Variants in MIA3 observed in about 807,000 individuals in gnomAD.
The protein encoded by MIA3 is transport and Golgi organization protein 1 homolog.
A neutral mutation model predicts 192.4 loss-of-function variants in MIA3; 90 were observed. That is an observed-to-expected ratio of 0.47 (90% CI 0.39 to 0.56). The LOEUF is 0.56. MIA3 is among the 20% of genes least tolerant of loss of function. The pLI, the probability that MIA3 is intolerant of heterozygous loss-of-function variation, is 0.00. For missense variants in MIA3, 2,123 were observed against 2,269.4 expected, an observed-to-expected ratio of 0.94 and a Z score of 1.31; for synonymous variants, 740 against 792.8, an observed-to-expected ratio of 0.93 and a Z score of 1.12.
chr1:222,648,230 TG>T (rs1376826361), intron 7 of MIA3, among the ~76,000 whole-genome samples: 2 of 152,196 alleles, frequency 1.3e-5, no homozygotes, highest in African/African-American at 4.8e-5. Context: ...GTCAGGTTTA[TG>T]AGCACTGTTT....
At chr1:222,641,660 T>C in intron 6 of MIA3, 1 of 539,144 alleles carries the variant, frequency 1.9e-6, no homozygotes, top group Non-Finnish European at 3.7e-6. Context: ...GGGACATATA[T>C]TAAACTCGTC....
chr1:222,618,124 C>T lies in MIA3; in HGVS notation c.14C>T (p.Pro5Leu), dbSNP rs560508185. Residue 5 changes from proline to leucine, a missense_variant, in exon 1 of 28, where the codon CCT (proline) becomes CTT (leucine). Transcript: ENST00000344922. The part of the protein sequence containing the change: MAAA[P>L]GLLVWLLVLR... ...GGTGACCACAACATGGCTGCGGCGC[C>T]TGGGCTGCTCGTCTGGCTGCTCGTG... The T allele has an allele frequency of 1.9e-5, 28 of 1,500,110 alleles. No individual in the cohort carries two copies. The South Asian group carries it at 3.0e-4, about 16-fold the overall frequency. 92.9% of individuals were successfully genotyped at this position (1,500,110 alleles called of 1,614,324 possible). A position where few individuals can be genotyped will look rare whatever the true frequency, so the allele number is the denominator to read the frequency against.
Position 222,654,248 on chromosome 1 carries a change from C to G in MIA3, c.4327C>G (p.Arg1443Gly), listed in dbSNP as rs749287544. ...ELANGEVGGDRNEKMKNQIKQ... is the reference protein window; with the variant it reads ...ELANGEVGGDGNEKMKNQIKQ... ...GAAAGCCTTTTGTTTTTTAGGTGAC[C>G]GGAATGAGAAGATGAAAAATCAAAT... Residue 1443 changes from arginine to glycine, a missense_variant, in exon 16 of 28, where the codon CGG (arginine) becomes GGG (glycine). Physicochemically the swap from Arg to Gly is moderately radical, Grantham distance 125. This residue lies in a region of MIA3 where 762 missense variants were observed against 856.4 expected (regional missense o/e 0.89). Transcript: ENST00000344922. The G allele has an allele frequency of 1.2e-6, 2 of 1,612,978 alleles. No homozygotes were observed. Among genetic ancestry groups the G allele is most frequent in the Non-Finnish European group, 8.5e-7 (1 of 1,179,610 alleles).
At position 222,659,942 on chromosome 1, in the gene MIA3, A is replaced by G. The variant is rs764064577; in HGVS notation, c.4911A>G (p.Gln1637=). 24 of 1,613,802 alleles carry G rather than the reference A, an allele frequency of 1.5e-5. 1 individual carries two copies. The East Asian group carries it at 5.1e-4, about 34-fold the overall frequency. The change falls in exon 23 of 28, where the codon CAA becomes CAG. Residue 1637 remains glutamine (Q), a synonymous_variant. Transcript: ENST00000344922. The part of the protein sequence containing the change: ...LELTQKMAML[Q]EEPVIVKPMP... Reference sequence around the variant, plus strand: ...TAACACAAAAGATGGCAATGCTGCAAGAAGAACCTGTGATTGTAAAACCAA... The same window carrying G: ...TAACACAAAAGATGGCAATGCTGCAGGAAGAACCTGTGATTGTAAAACCAA...
Position 222,665,521 on chromosome 1 carries a change from G to A in MIA3, c.5626G>A (p.Val1876Ile), listed in dbSNP as rs1472285095. The change falls in exon 28 of 28, where the codon GTA (valine) becomes ATA (isoleucine). Residue 1876 changes from valine (V) to isoleucine (I), a missense_variant. Val to Ile is a conservative substitution (Grantham distance 29, BLOSUM62 3). Around this residue, in one of 3 missense-constraint regions of MIA3, gnomAD observed 762 missense variants for 856.4 expected, o/e 0.89. Coordinates refer to ENST00000344922, the MANE Select transcript of MIA3 (RefSeq NM_198551.4). ...CCAGGAATACCCACCACCACCTGCT[G>A]TAAGAGACTTACTGCCGTCAGGCTC... ...GPQEYPPPPA[V>I]RDLLPSGSRD... 4 of 1,614,060 alleles carry A rather than the reference G, an allele frequency of 2.5e-6. No homozygotes were observed. The highest frequency in any genetic ancestry group is 2.5e-6 in the Non-Finnish European group (3 of 1,179,982).
Position 222,654,682 on chromosome 1 carries a change from G to A in MIA3, c.4496G>A (p.Arg1499His), listed in dbSNP as rs759742082. 14 of 1,613,860 alleles carry A rather than the reference G, an allele frequency of 8.7e-6. No homozygotes were observed. Among genetic ancestry groups the A allele is most frequent in the East Asian group, 2.2e-5 (1 of 44,886 alleles). ...CAGGTAAAGAAATTGGAAGATGACC[G>A]CAACTCACTACAAGCTGCCAAAGCT... ...EDQVKKLEDD[R>H]NSLQAAKAGL... The change falls in exon 18 of 28, where the codon CGC becomes CAC. Residue 1499 changes from arginine to histidine, a missense_variant. Arg to His is a conservative substitution (Grantham distance 29). Transcript: ENST00000344922.
chr1:222,628,641 C>T lies in MIA3; in HGVS notation c.1421C>T (p.Ser474Phe). 6.2e-7 allele frequency: 1 copy of T among 1,613,812 alleles called. No individual in the cohort carries two copies. The highest frequency in any genetic ancestry group is 8.5e-7 in the Non-Finnish European group (1 of 1,179,962). Residue 474 changes from serine to phenylalanine, a missense_variant, in exon 4 of 28, where the codon TCC becomes TTC. Around this residue, in one of 3 missense-constraint regions of MIA3, gnomAD observed 1,357 missense variants for 1,396.1 expected, o/e 0.97. Coordinates refer to ENST00000344922, the MANE Select transcript of MIA3 (RefSeq NM_198551.4). ...GGAAAAGGGAGGGGAGTTCAGGAAT[C>T]CAAGAGGGGCCTGGTACAAGATAAG... The part of the protein sequence containing the change: ...IKGKGRGVQE[S>F]KRGLVQDKTE...
intron 18 of MIA3, among the ~76,000 whole-genome samples, chr1:222,656,005 T>C (rs1571903603): frequency 7.4e-6 from 1 of 134,940 alleles, no homozygotes; most frequent in Admixed American, 8.4e-5. Context: ...AGTCTCACTC[T>C]GCCGCCCAGG....
chr1:222,641,391 G>A, intron 6 of MIA3: 2 of 432,230 alleles, frequency 4.6e-6, no homozygotes, highest in Non-Finnish European at 4.5e-6. Flanking sequence ...GTATCCCTCT[G>A]CCCCATTTCT....
chr1:222,663,944 CTTTTGTCTGTCATACCATAGTA>C, intron 26 of MIA3, 32 bp from the exon 27 acceptor site: 3 of 1,516,550 alleles, frequency 2.0e-6, no homozygotes, highest in Non-Finnish European at 2.7e-6. Context: ...GGTGTTGGTG[CTTTTGTCTGTCATACCATAGTA>C]TTTCAAAACT....
chr1:222,629,661 G>T lies in MIA3; in HGVS notation c.2441G>T (p.Arg814Leu). ...REPNTMVEKE[R>L]PLADKKAQRP... ...CCAAATACAATGGTGGAAAAAGAAC[G>T]CCCTCTGGCAGATAAGAAAGCACAG... The change falls in exon 4 of 28, where the codon CGC becomes CTC. Residue 814 changes from arginine (R) to leucine (L), a missense_variant. This residue lies in a region of MIA3 where 1,357 missense variants were observed against 1,396.1 expected (regional missense o/e 0.97). Coordinates refer to ENST00000344922, the MANE Select transcript of MIA3 (RefSeq NM_198551.4). 6.2e-7 allele frequency: 1 copy of T among 1,614,054 alleles called. No homozygotes were observed. Among genetic ancestry groups the T allele is most frequent in the South Asian group, 1.1e-5 (1 of 91,076 alleles).
intron 1 of MIA3, among the ~76,000 whole-genome samples, chr1:222,619,348 A>G (rs1190957550): frequency 6.6e-6 from 1 of 152,220 alleles, no homozygotes; most frequent in Non-Finnish European, 1.5e-5. Context: ...AGCAATGCCT[A>G]TAGAAACGTA....
At position 222,662,046 on chromosome 1, in the gene MIA3, C is replaced by T; in HGVS notation, c.5114-10C>T. 2 of 1,611,084 alleles carry T rather than the reference C, an allele frequency of 1.2e-6. No individual in the cohort carries two copies. Among genetic ancestry groups the T allele is most frequent in the Non-Finnish European group, 8.5e-7 (1 of 1,177,782 alleles). Reference sequence around the variant, plus strand: ...AATACATATAAGGACTCTGTTATTTCTTTCTCAAGGATCAGTGGACGGGCC... The same window carrying T: ...AATACATATAAGGACTCTGTTATTTTTTTCTCAAGGATCAGTGGACGGGCC... On this transcript the variant is annotated splice_polypyrimidine_tract_variant and intron_variant, in intron 24 of 27. Transcript: ENST00000344922.
intron 15 of MIA3, among the ~76,000 whole-genome samples, chr1:222,653,806 A>T (rs1663565180): frequency 6.6e-6 from 1 of 152,192 alleles, no homozygotes. Flanking sequence ...GGATCCATAA[A>T]CTAAGGCCAT....
At chr1:222,662,590 CT>C in intron 26 of MIA3, 1 of 848,280 alleles carries the variant, frequency 1.2e-6, no homozygotes, top group Non-Finnish European at 1.6e-6. Flanking sequence ...ATTGATCTTA[CT>C]TTTATCCTTG....
chr1:222,663,234 C>A (rs982633358), intron 26 of MIA3, among the ~76,000 whole-genome samples: 3 of 152,128 alleles, frequency 2.0e-5, no homozygotes, highest in Admixed American at 6.6e-5. Context: ...GAAAATACTT[C>A]CAAGTTCCAG....
At chr1:222,618,295 C>G (rs1174468993) in intron 1 of MIA3, 52 bp downstream of exon 1, 2 of 1,317,700 alleles carry the variant, frequency 1.5e-6, no homozygotes, top group Non-Finnish European at 2.0e-6. Context: ...CTTGGGGTCT[C>G]CGCCGGCCCC....
chr1:222,624,610 T>C (rs984527586), intron 2 of MIA3, among the ~76,000 whole-genome samples, 158 bp from the exon 3 acceptor site: 2 of 152,204 alleles, frequency 1.3e-5, no homozygotes, highest in African/African-American at 4.8e-5. Context: ...ACTAGTGATG[T>C]TGGAAGTGGT....
At chr1:222,656,221 C>T (rs1663720772) in intron 18 of MIA3, among the ~76,000 whole-genome samples, 1 of 151,992 alleles carries the variant, frequency 6.6e-6, no homozygotes, top group Admixed American at 6.6e-5. Flanking sequence ...ATCCACCCGC[C>T]TCGGCCTCCC....
Sources: gnomAD v4.1 joint callset for allele counts (sites outside exome capture counted in the v4.1 genomes callset) on GRCh38, gnomAD v4.1.1 for gene constraint, gnomAD v4.1.1 regional missense constraint, MANE v1.5 for transcripts, NCBI Gene and HGNC (gene_info 2026-07-23, HGNC 2026-07-21) for gene names.